Variants in TRPC1 observed in about 807,000 individuals in gnomAD.
TRPC1 encodes the protein short transient receptor potential channel 1.
TRPC1 carries 42 observed loss-of-function variants against 88.2 expected under a neutral mutation model. The ratio of observed to expected loss-of-function variants is 0.48; its 90% confidence interval spans 0.37 to 0.62. TRPC1 has a LOEUF of 0.62. TRPC1 is among the 20% of genes least tolerant of loss of function. The pLI, the probability that TRPC1 is intolerant of heterozygous loss-of-function variation, is 0.00. For missense variants in TRPC1, 699 were observed against 957.3 expected, an observed-to-expected ratio of 0.73 and a Z score of 3.56; for synonymous variants, 288 against 331.8, an observed-to-expected ratio of 0.87 and a Z score of 1.43.
intron 4 of TRPC1, among the ~76,000 whole-genome samples, chr3:142,756,961 C>T (rs1178843001): frequency 6.6e-6 from 1 of 152,096 alleles, no homozygotes; most frequent in African/African-American, 2.4e-5. Flanking sequence ...TTTTAGCTAC[C>T]AAATACATGT....
chr3:142,753,333 G>A (rs771483258), intron 4 of TRPC1, among the ~76,000 whole-genome samples: 32 of 152,120 alleles, frequency 2.1e-4, no homozygotes, highest in South Asian at 4.1e-4. Flanking sequence ...CAAATGGTTT[G>A]GAACATTAAC....
Position 142,806,127 on chromosome 3 carries a change from G to A in TRPC1, c.2274G>A (p.Val758=), listed in dbSNP as rs771317039. The change falls in exon 13 of 13, where the codon GTG becomes GTA. Residue 758 remains valine, a synonymous_variant. Coordinates refer to ENST00000476941, the MANE Select transcript of TRPC1 (RefSeq NM_001251845.2). ...QKMQSTDQAT[V]ENLNELRQDL... is the part of the protein sequence containing the mutation. The stretch of plus-strand genomic sequence containing the variant: ...TGCAAAGTACAGATCAGGCAACTGT[G>A]GAAAATCTAAACGAACTGCGCCAAG... 37 of 1,613,688 alleles carry A rather than the reference G, an allele frequency of 2.3e-5. No individual in the cohort carries two copies. The highest frequency in any genetic ancestry group is 1.6e-4 in the Middle Eastern group (1 of 6,076).
intron 4 of TRPC1, among the ~76,000 whole-genome samples, chr3:142,769,949 G>A (rs1046902516): frequency 3.9e-4 from 60 of 151,922 alleles, no homozygotes; most frequent in African/African-American, 1.4e-3. Flanking sequence ...TTGCCTCATT[G>A]TTCTCTCCAT....
chr3:142,789,067 G>A (rs1397780962), intron 7 of TRPC1, among the ~76,000 whole-genome samples: 1 of 152,096 alleles, frequency 6.6e-6, no homozygotes, highest in Non-Finnish European at 1.5e-5. Flanking sequence ...ATCTTTCTTA[G>A]TTTGATGTTT....
chr3:142,766,410 T>TA (rs1182799193), intron 4 of TRPC1, among the ~76,000 whole-genome samples: 1 of 142,506 alleles, frequency 7.0e-6, no homozygotes, highest in Non-Finnish European at 1.6e-5. Context: ...TTTTTTTTTC[T>TA]TTTTTTTTGA....
intron 1 of TRPC1, among the ~76,000 whole-genome samples, chr3:142,731,374 A>ATTTTT (rs59613066): frequency 6.3e-5 from 5 of 79,524 alleles, no homozygotes; most frequent in African/African-American, 1.5e-4. Context: ...ATATGTTTTG[A>ATTTTT]TTTTTTTTTT....
rs1020195583 is a variant in TRPC1, at chr3:142,807,686, T to C, written c.*1451T>C. 5 of 152,238 alleles carry C rather than the reference T, an allele frequency of 3.3e-5. No homozygotes were observed. The highest frequency in any genetic ancestry group is 1.2e-4 in the African/African-American group (5 of 41,464). 9.4% of individuals were successfully genotyped at this position (152,238 alleles called of 1,614,324 possible). A position where few individuals can be genotyped will look rare whatever the true frequency, so the allele number is the denominator to read the frequency against. ...TAAAAATGTTTATTGTAAAGTTATA[T>C]ATTTTGTCTACGATGGGATTATGCA... is the stretch of plus-strand genomic sequence containing the variant. On this transcript the variant is annotated 3_prime_UTR_variant, in exon 13 of 13. Transcript: ENST00000476941.
intron 6 of TRPC1, among the ~76,000 whole-genome samples, chr3:142,783,011 A>G (rs1031497681): frequency 1.2e-4 from 19 of 152,186 alleles, no homozygotes; most frequent in African/African-American, 4.6e-4. Flanking sequence ...GTTAGAATCT[A>G]CTAGTTAAAT....
At position 142,748,400 on chromosome 3, in the gene TRPC1, T is replaced by C. The variant is rs1934635185; in HGVS notation, c.572T>C (p.Val191Ala). 6.2e-7 allele frequency: 1 copy of C among 1,614,026 alleles called. No homozygotes were observed. The highest frequency in any genetic ancestry group is 1.3e-5 in the African/African-American group (1 of 74,934). ...QDVSLPKPHA[V>A]GCECTLCSAK... is the part of the protein sequence containing the mutation. Reference sequence around the variant, plus strand: ...GTATCTCTACCCAAGCCCCATGCAGTTGGCTGTGAATGCACATTGTGTTCT... The same window carrying C: ...GTATCTCTACCCAAGCCCCATGCAGCTGGCTGTGAATGCACATTGTGTTCT... Residue 191 changes from valine to alanine, a missense_variant, in exon 4 of 13, where the codon GTT becomes GCT. Physicochemically the swap from Val to Ala is moderately conservative, Grantham distance 64 (BLOSUM62 0). Coordinates refer to ENST00000476941, the MANE Select transcript of TRPC1 (RefSeq NM_001251845.2).
At chr3:142,763,983 T>TATACAC (rs1441314374) in intron 4 of TRPC1, among the ~76,000 whole-genome samples, 4 of 74,312 alleles carry the variant, frequency 5.4e-5, no homozygotes, top group South Asian at 3.4e-4. Flanking sequence ...TATATATATA[T>TATACAC]ACACATACAT....
rs1373961497 is a variant in TRPC1 at position 142,799,957 on chromosome 3, TATC to T, written c.1582-2209_1582-2207del. Among the ~76,000 whole-genome samples the T allele has an allele frequency of 5.9e-5, 9 of 152,314 alleles. No homozygotes were observed. The East Asian group carries it at 1.5e-3, about 26-fold the overall frequency. ...ACTACATGTTTTAAAATTAAAATGA[TATC>T]ATACATGGTCACTATTGGAAAACCT... is the stretch of plus-strand genomic sequence containing the variant. On this transcript the variant is annotated intron_variant, in intron 9 of 12. Coordinates refer to ENST00000476941, the MANE Select transcript of TRPC1 (RefSeq NM_001251845.2).
At chr3:142,799,747 TCATGATTGTAC>T (rs1405989634) in intron 9 of TRPC1, among the ~76,000 whole-genome samples, 23 of 152,048 alleles carry the variant, frequency 1.5e-4, no homozygotes, top group African/African-American at 5.5e-4. Context: ...CTACAGTGAG[TCATGATTGTAC>T]CACCATACTC....
Position 142,748,262 on chromosome 3 carries a change from T to C in TRPC1, c.434T>C (p.Leu145Pro), listed in dbSNP as rs776572650. 2 of 1,612,292 alleles carry C rather than the reference T, an allele frequency of 1.2e-6. No homozygotes were observed. Among genetic ancestry groups the C allele is most frequent in the African/African-American group, 1.3e-5 (1 of 75,030 alleles). Residue 145 changes from leucine (L) to proline (P), a missense_variant, in exon 4 of 13, where the codon CTA becomes CCA. Leu to Pro is a moderately conservative substitution (Grantham distance 98). This residue lies in a region of TRPC1 where 426 missense variants were observed against 641.3 expected (regional missense o/e 0.66). Coordinates refer to ENST00000476941, the MANE Select transcript of TRPC1 (RefSeq NM_001251845.2). The stretch of plus-strand genomic sequence containing the variant: ...ATTTATATAAATATTTTTCAGAAAC[T>C]AATGGAACGAATTCAGAATCCTGAG... ...KRSSRPTIVK[L>P]MERIQNPEYS...
At chr3:142,772,752 A>G (rs947925914) in intron 4 of TRPC1, among the ~76,000 whole-genome samples, 1 of 152,042 alleles carries the variant, frequency 6.6e-6, no homozygotes, top group African/African-American at 2.4e-5. Flanking sequence ...GTGCCACTGT[A>G]CTCCAGCCTG....
intron 9 of TRPC1, chr3:142,794,063 A>G (rs1936376350): frequency 5.3e-6 from 1 of 187,326 alleles, no homozygotes; most frequent in Non-Finnish European, 1.0e-5. Context: ...CCTTGTTCAA[A>G]TCATCATTAC....
At chr3:142,727,437 A>G (rs896297726) in intron 1 of TRPC1, among the ~76,000 whole-genome samples, 1 of 152,252 alleles carries the variant, frequency 6.6e-6, no homozygotes, top group Non-Finnish European at 1.5e-5. Context: ...CAGATTAAAG[A>G]GTACAATAAA....
intron 10 of TRPC1, among the ~76,000 whole-genome samples, chr3:142,803,036 G>A (rs1226538075): frequency 1.3e-5 from 2 of 152,162 alleles, no homozygotes; most frequent in African/African-American, 4.8e-5. Flanking sequence ...AGCAAATGAA[G>A]TATTAGTAAA....
intron 4 of TRPC1, among the ~76,000 whole-genome samples, chr3:142,765,434 A>C (rs968150061): frequency 2.6e-5 from 4 of 152,226 alleles, no homozygotes; most frequent in African/African-American, 9.6e-5. Context: ...CCACAAGGCT[A>C]CTGTAACCAA....
intron 4 of TRPC1, among the ~76,000 whole-genome samples, chr3:142,754,956 A>G (rs1258804950): frequency 6.6e-6 from 1 of 152,224 alleles, no homozygotes; most frequent in Non-Finnish European, 1.5e-5. Flanking sequence ...TATAGCCTGT[A>G]AGATTCAGGT....
Sources: allele counts gnomAD v4.1 joint callset (sites outside exome capture counted in the v4.1 genomes callset), GRCh38; gene constraint gnomAD v4.1.1; regional missense constraint gnomAD v4.1.1; transcripts MANE v1.5; gene names NCBI Gene and HGNC (gene_info 2026-07-23, HGNC 2026-07-21).